The following TEAD1 variants were observed in gnomAD, a reference collection of about 807,000 sequenced individuals.
The protein encoded by TEAD1 is transcriptional enhancer factor TEF-1.
TEAD1 carries 9 observed loss-of-function variants against 54.9 expected under a neutral mutation model. That is an observed-to-expected ratio of 0.16 (90% CI 0.10 to 0.29). The LOEUF (loss-of-function observed/expected upper bound fraction) is 0.29, where lower values mean the gene tolerates loss of function less well. Among genes scored for constraint, TEAD1 ranks in the 10% least tolerant of loss-of-function variants. The probability of loss-of-function intolerance (pLI) is 1.00; values close to 1 mark genes in which losing one functional copy is unlikely to be tolerated. For synonymous variants in TEAD1, 200 were observed against 187.8 expected, an observed-to-expected ratio of 1.07 and a Z score of -0.53; for missense variants, 387 against 535.9, an observed-to-expected ratio of 0.72 and a Z score of 2.74.
chr11:12,675,361 T>C lies in TEAD1; in HGVS notation c.-207-48T>C, dbSNP rs79997951. On this transcript the variant is annotated intron_variant, in intron 1 of 12. Transcript: ENST00000527636. ...TGCCGCTGGCGGGGGGTTCGCTCCTTCTTCTCAAAGATGAAAAAGGGCACG... is the reference window on the plus strand; with the variant it reads ...TGCCGCTGGCGGGGGGTTCGCTCCTCCTTCTCAAAGATGAAAAAGGGCACG... 685 of 152,332 alleles carry C rather than the reference T, an allele frequency of 4.5e-3. 2 individuals are homozygous for C. The highest frequency in any genetic ancestry group is 6.8e-3 in the Non-Finnish European group (464 of 68,162). 9.4% of individuals were successfully genotyped at this position (152,332 alleles called of 1,614,324 possible).
intron 10 of TEAD1, among the ~76,000 whole-genome samples, chr11:12,914,667 G>A (rs1384492857): frequency 6.6e-6 from 1 of 151,956 alleles, no homozygotes; most frequent in African/African-American, 2.4e-5. Flanking sequence ...GAGCCTTTTA[G>A]AGCAGCCAGC....
At chr11:12,887,104 T>TGTTTTTTG (rs1948106567) in intron 9 of TEAD1, among the ~76,000 whole-genome samples, 1 of 149,390 alleles carries the variant, frequency 6.7e-6, no homozygotes, top group Non-Finnish European at 1.5e-5. Context: ...TTTGTTTTTT[T>TGTTTTTTG]TTTTTTTGGA....
At chr11:12,678,628 A>G (rs2133807158) in intron 2 of TEAD1, among the ~76,000 whole-genome samples, 2 of 152,304 alleles carry the variant, frequency 1.3e-5, no homozygotes, top group East Asian at 3.9e-4. Context: ...GTTGTATTGC[A>G]ATTACTTTGT....
intron 2 of TEAD1, among the ~76,000 whole-genome samples, chr11:12,698,422 GTC>G (rs1414290855): frequency 6.6e-6 from 1 of 152,102 alleles, no homozygotes; most frequent in East Asian, 1.9e-4. Flanking sequence ...GAGCAGATGG[GTC>G]TCTCTGCAGT....
intron 2 of TEAD1, among the ~76,000 whole-genome samples, chr11:12,751,688 C>T (rs903791368): frequency 6.6e-6 from 1 of 151,432 alleles, no homozygotes; most frequent in Admixed American, 6.6e-5. Context: ...CAGAAACTTT[C>T]CCTTTCATAT....
intron 3 of TEAD1, among the ~76,000 whole-genome samples, chr11:12,861,133 T>C (rs913864746): frequency 1.3e-5 from 2 of 152,254 alleles, no homozygotes; most frequent in Admixed American, 6.5e-5. Flanking sequence ...TTCCTGGTAT[T>C]AGAGCAAGTT....
At chr11:12,743,466 G>C (rs749750229) in intron 2 of TEAD1, among the ~76,000 whole-genome samples, 1 of 152,028 alleles carries the variant, frequency 6.6e-6, no homozygotes, top group African/African-American at 2.4e-5. Context: ...TTTATCCTTG[G>C]GGAACCAATA....
intron 3 of TEAD1, among the ~76,000 whole-genome samples, chr11:12,819,919 G>C (rs1946504869): frequency 6.6e-6 from 1 of 152,084 alleles, no homozygotes; most frequent in African/African-American, 2.4e-5. Flanking sequence ...TTGTGAGTCA[G>C]CTCTTGGAGG....
chr11:12,797,116 A>G (rs1308616130), intron 3 of TEAD1, among the ~76,000 whole-genome samples: 3 of 152,200 alleles, frequency 2.0e-5, no homozygotes, highest in Admixed American at 2.0e-4. Flanking sequence ...ATCTCAAAAC[A>G]CAAAAAACCT....
chr11:12,942,623 C>A lies in TEAD1; in HGVS notation c.*5401C>A, dbSNP rs3187435. On this transcript the variant is annotated 3_prime_UTR_variant, in exon 13 of 13. Coordinates refer to ENST00000527636, the MANE Select transcript of TEAD1 (RefSeq NM_021961.6). ...CGTGTTCAGTCTCTGTGGAGACTTT[C>A]TTTTCCATTCAAATGACAGTGCGCA... 1 of 152,194 alleles carries A rather than the reference C, an allele frequency of 6.6e-6. No homozygotes were observed. Among genetic ancestry groups the A allele is most frequent in the African/African-American group, 2.4e-5 (1 of 41,448 alleles). The allele number at this position is 152,194 out of a possible 1,614,324, so 9.4% of individuals were successfully genotyped here.
chr11:12,925,003 G>A lies in TEAD1; in HGVS notation c.965G>A (p.Cys322Tyr). Residue 322 changes from cysteine (C) to tyrosine (Y), a missense_variant, in exon 11 of 13, where the codon TGT becomes TAT. By Grantham distance (194) the Cys-to-Tyr change is radical. This residue lies in a region of TEAD1 where 123 missense variants were observed against 199.0 expected (regional missense o/e 0.62). Coordinates refer to ENST00000527636, the MANE Select transcript of TEAD1 (RefSeq NM_021961.6). ...AGTTCTGAAAATATGACAGTCACCT[G>A]TTCCACCAAAGTTTGCTCCTTTGGG... is the stretch of plus-strand genomic sequence containing the variant. 29 of 1,614,212 alleles carry A rather than the reference G, an allele frequency of 1.8e-5. No homozygotes were observed. The highest frequency in any genetic ancestry group is 2.5e-5 in the Non-Finnish European group (29 of 1,180,040).
At chr11:12,898,763 C>G (rs1052265609) in intron 9 of TEAD1, among the ~76,000 whole-genome samples, 1 of 152,148 alleles carries the variant, frequency 6.6e-6, no homozygotes, top group East Asian at 1.9e-4. Flanking sequence ...CTTTAATATT[C>G]ACATATGTTG....
At chr11:12,734,989 T>G (rs1468192721) in intron 2 of TEAD1, among the ~76,000 whole-genome samples, 1 of 152,226 alleles carries the variant, frequency 6.6e-6, no homozygotes. Context: ...AAATGTAGTT[T>G]AGTTTACTTT....
At chr11:12,781,134 T>C (rs1236425865) in intron 3 of TEAD1, among the ~76,000 whole-genome samples, 1 of 152,222 alleles carries the variant, frequency 6.6e-6, no homozygotes, top group Non-Finnish European at 1.5e-5. Flanking sequence ...TGCTGAGACA[T>C]GCGAAGAGTG....
chr11:12,835,378 C>T (rs1033377822), intron 3 of TEAD1, among the ~76,000 whole-genome samples: 8 of 151,726 alleles, frequency 5.3e-5, no homozygotes, highest in Non-Finnish European at 7.4e-5. Context: ...AGTGTTGCTC[C>T]GTCACCCAGG....
At chr11:12,719,315 T>C (rs1447604862) in intron 2 of TEAD1, among the ~76,000 whole-genome samples, 2 of 152,098 alleles carry the variant, frequency 1.3e-5, no homozygotes, top group Non-Finnish European at 2.9e-5. Flanking sequence ...TGTGGAGGAA[T>C]GCTCTTGTCT....
chr11:12,911,678 C>CTTT (rs386373128), intron 10 of TEAD1, among the ~76,000 whole-genome samples: 2,448 of 136,938 alleles, frequency 0.018, 77 homozygotes, highest in African/African-American at 0.059. Flanking sequence ...TTACATGAGT[C>CTTT]TTTTTTTTTT....
chr11:12,842,564 G>A (rs80121873), intron 3 of TEAD1, among the ~76,000 whole-genome samples: 1 of 152,054 alleles, frequency 6.6e-6, no homozygotes, highest in Non-Finnish European at 1.5e-5. Context: ...TTTCTCTGTC[G>A]TTTCTCAAGC....
At chr11:12,832,355 G>GA (rs1946800606) in intron 3 of TEAD1, among the ~76,000 whole-genome samples, 2 of 152,204 alleles carry the variant, frequency 1.3e-5, no homozygotes, top group African/African-American at 4.8e-5. Context: ...AGACTAGGGG[G>GA]AAAAATCCAA....
Sources: gnomAD v4.1 joint callset for allele counts (sites outside exome capture counted in the v4.1 genomes callset) on GRCh38, gnomAD v4.1.1 for gene constraint, gnomAD v4.1.1 regional missense constraint, MANE v1.5 for transcripts, NCBI Gene and HGNC (gene_info 2026-07-23, HGNC 2026-07-21) for gene names.